Variants in BMPER observed in about 807,000 individuals in gnomAD.
The protein encoded by BMPER is BMP binding endothelial regulator.
In BMPER, 45 loss-of-function variants were observed where a neutral mutation model predicts 87.3. The ratio of observed to expected loss-of-function variants is 0.52; its 90% confidence interval spans 0.41 to 0.66. BMPER has a LOEUF of 0.66. BMPER is among the 30% of genes least tolerant of loss of function. BMPER has a pLI of 0.00. For missense variants in BMPER, 784 were observed against 867.5 expected (o/e 0.90, Z 1.21); for synonymous variants, 326 against 316.2 (o/e 1.03, Z -0.33).
chr7:34,138,453 C>T (rs1303829540), intron 13 of BMPER, among the ~76,000 whole-genome samples: 2 of 152,220 alleles, frequency 1.3e-5, no homozygotes, highest in Non-Finnish European at 2.9e-5. Flanking sequence ...CTGGTGCCAG[C>T]TCCCTGGGCC....
rs776382522 is a variant in BMPER, at chr7:34,047,787, T to TTTCCTTCCTTCCTTCCTTCCTTCCTTCC, written c.676+1404_676+1405insCCTTCCTTCCTTCCTTCCTTCCTTCCTT. Reference sequence around the variant, plus strand: ...GCTCCTGCTATTTCTCTTGATTTTCTTTCCTTCCTTCCTTCCTTCCTTTCT... The same window carrying TTTCCTTCCTTCCTTCCTTCCTTCCTTCC: ...GCTCCTGCTATTTCTCTTGATTTTCTTTCCTTCCTTCCTTCCTTCCTTCCTTCCTTCCTTCCTTCCTTCCTTCCTTTCT... On this transcript the variant is annotated intron_variant, in intron 7 of 14. Coordinates refer to ENST00000649409, the MANE Select transcript of BMPER (RefSeq NM_001365308.1). Among the ~76,000 whole-genome samples, 6 of 1,214 alleles carry TTTCCTTCCTTCCTTCCTTCCTTCCTTCC rather than the reference T, an allele frequency of 4.9e-3. 3 individuals are homozygous for TTTCCTTCCTTCCTTCCTTCCTTCCTTCC. The highest frequency in any genetic ancestry group is 8.4e-3 in the Non-Finnish European group (4 of 478). 0.8% of individuals were successfully genotyped at this position (1,214 alleles called of 152,430 possible).
chr7:33,935,066 T>A (rs962782550), intron 2 of BMPER, among the ~76,000 whole-genome samples: 25 of 152,256 alleles, frequency 1.6e-4, no homozygotes, highest in African/African-American at 6.0e-4. Context: ...GTAAAAAATA[T>A]GTCTCTTTAT....
intron 6 of BMPER, among the ~76,000 whole-genome samples, chr7:34,034,430 T>C (rs1027685803): frequency 6.6e-5 from 10 of 152,190 alleles, no homozygotes; most frequent in Non-Finnish European, 1.5e-4. Flanking sequence ...GATTCCCTCT[T>C]CTGCCATGTC....
intron 4 of BMPER, among the ~76,000 whole-genome samples, chr7:33,967,594 A>C (rs1785436712): frequency 2.6e-5 from 4 of 152,244 alleles, no homozygotes; most frequent in Admixed American, 2.6e-4. Context: ...TAAATAATAC[A>C]TTATTAAATC....
chr7:34,088,549 G>C (rs1215622992), intron 13 of BMPER, among the ~76,000 whole-genome samples: 1 of 152,206 alleles, frequency 6.6e-6, no homozygotes, highest in Non-Finnish European at 1.5e-5. Flanking sequence ...TGAGCCGTGG[G>C]GAAGGGGACA....
chr7:34,113,394 C>T (rs1485689618), intron 13 of BMPER, among the ~76,000 whole-genome samples: 1 of 151,854 alleles, frequency 6.6e-6, no homozygotes, highest in Non-Finnish European at 1.5e-5. Context: ...TCCATTTATG[C>T]TTATATGGGG....
intron 13 of BMPER, among the ~76,000 whole-genome samples, chr7:34,130,645 G>A (rs1790559899): frequency 2.0e-5 from 3 of 152,196 alleles, no homozygotes; most frequent in Admixed American, 6.5e-5. Flanking sequence ...GCCAGCCCTG[G>A]GGCATGGTGG....
rs139126079 is a variant in BMPER, at chr7:34,099,000, T to C, written c.1745+12908T>C. Among the ~76,000 whole-genome samples the C allele has an allele frequency of 4.1e-3, 625 of 152,054 alleles. 2 individuals carry two copies. Among genetic ancestry groups the C allele is most frequent in the Non-Finnish European group, 6.6e-3 (445 of 67,856 alleles). On this transcript the variant is annotated intron_variant, in intron 13 of 14. Coordinates refer to ENST00000649409, the MANE Select transcript of BMPER (RefSeq NM_001365308.1). ...CATGTTAGCTGGCATTGATTGAACA[T>C]GTGCGATGTGCCTGGAAGTCTGGGA...
intron 14 of BMPER, among the ~76,000 whole-genome samples, chr7:34,144,002 A>G (rs1168780404): frequency 1.3e-5 from 2 of 152,204 alleles, no homozygotes; most frequent in Admixed American, 6.5e-5. Context: ...AGAAACAGAC[A>G]AAAACATAAC....
intron 6 of BMPER, among the ~76,000 whole-genome samples, chr7:34,032,128 C>G (rs1277923541): frequency 6.6e-6 from 1 of 151,202 alleles, no homozygotes; most frequent in African/African-American, 2.4e-5. Context: ...AGACTGAATA[C>G]TATTGTTCTT....
At chr7:34,121,577 T>C (rs1263529324) in intron 13 of BMPER, among the ~76,000 whole-genome samples, 1 of 152,176 alleles carries the variant, frequency 6.6e-6, no homozygotes, top group Non-Finnish European at 1.5e-5. Context: ...TCATGATTAT[T>C]AAACAAGAAA....
intron 11 of BMPER, among the ~76,000 whole-genome samples, chr7:34,071,333 T>C (rs1041682809): frequency 2.0e-5 from 3 of 152,238 alleles, no homozygotes; most frequent in East Asian, 1.9e-4. Context: ...ATGCTATCTT[T>C]ATAATCACCC....
chr7:33,928,367 A>G (rs1784407792), intron 2 of BMPER, among the ~76,000 whole-genome samples: 1 of 152,148 alleles, frequency 6.6e-6, no homozygotes, highest in African/African-American at 2.4e-5. Context: ...CCAGTTACAC[A>G]AATGTGCTGT....
chr7:34,029,179 T>C (rs1787460574), intron 6 of BMPER, among the ~76,000 whole-genome samples: 1 of 152,062 alleles, frequency 6.6e-6, no homozygotes, highest in Non-Finnish European at 1.5e-5. Context: ...TGGTGAGCAA[T>C]TGACACAGTC....
rs551949774 is a variant in BMPER at position 34,100,045 on chromosome 7, C to T, written c.1745+13953C>T. The stretch of plus-strand genomic sequence containing the variant: ...CCAGGTCAAGAAATTCTGTTTCCTT[C>T]CTCCCTCCCTCCCTCTCTCTCTTCA... On this transcript the variant is annotated intron_variant, in intron 13 of 14. Coordinates refer to ENST00000649409, the MANE Select transcript of BMPER (RefSeq NM_001365308.1). Among the ~76,000 whole-genome samples the T allele has an allele frequency of 1.9e-3, 283 of 152,174 alleles. 2 individuals are homozygous for T. The highest frequency in any genetic ancestry group is 3.4e-3 in the Middle Eastern group (1 of 292).
At chr7:34,037,207 A>C (rs1787699773) in intron 6 of BMPER, among the ~76,000 whole-genome samples, 1 of 152,172 alleles carries the variant, frequency 6.6e-6, no homozygotes, top group African/African-American at 2.4e-5. Flanking sequence ...TCTTAAAAAC[A>C]AACAAACAAA....
Position 33,913,146 on chromosome 7 carries a change from C to G in BMPER, c.219+6243C>G, listed in dbSNP as rs377320604. On this transcript the variant is annotated intron_variant, in intron 2 of 14. Transcript: ENST00000649409. ...TGCCAGTGAATTCTGACTAGGGTATCTGGGACCGTGATGTGGGAGGAGAGA... is the reference window on the plus strand; with the variant it reads ...TGCCAGTGAATTCTGACTAGGGTATGTGGGACCGTGATGTGGGAGGAGAGA... 3.4e-3 allele frequency among the ~76,000 whole-genome samples: 511 copies of G among 152,250 alleles called. 2 individuals carry two copies. Among genetic ancestry groups the G allele is most frequent in the African/African-American group, 0.012 (489 of 41,546 alleles).
At chr7:33,994,408 T>G (rs2127929718) in intron 6 of BMPER, among the ~76,000 whole-genome samples, 1 of 152,296 alleles carries the variant, frequency 6.6e-6, no homozygotes, top group South Asian at 2.1e-4. Context: ...CACCCCTTTC[T>G]TTGACTCAGA....
intron 6 of BMPER, among the ~76,000 whole-genome samples, chr7:34,023,057 C>T (rs1196718329): frequency 6.6e-6 from 1 of 152,068 alleles, no homozygotes; most frequent in Non-Finnish European, 1.5e-5. Flanking sequence ...CTCCATTGTA[C>T]TCGAGAAACA....
Sources: gnomAD v4.1 joint callset for allele counts (sites outside exome capture counted in the v4.1 genomes callset) on GRCh38, gnomAD v4.1.1 for gene constraint, MANE v1.5 for transcripts, NCBI Gene and HGNC (gene_info 2026-07-23, HGNC 2026-07-21) for gene names.